The following LRRFIP1 variants were observed in gnomAD, a reference collection of about 807,000 sequenced individuals.
LRRFIP1 encodes the protein leucine-rich repeat flightless-interacting protein 1.
In LRRFIP1, 62 loss-of-function variants were observed where a neutral mutation model predicts 104.4. That is an observed-to-expected ratio of 0.59 (90% CI 0.48 to 0.73). LRRFIP1 has a LOEUF of 0.73. Among genes scored for constraint, LRRFIP1 ranks in the 30% least tolerant of loss-of-function variants. The pLI, the probability that LRRFIP1 is intolerant of heterozygous loss-of-function variation, is 0.00. For missense variants in LRRFIP1, 796 were observed against 824.5 expected, an observed-to-expected ratio of 0.97 and a Z score of 0.42; for synonymous variants, 300 against 299.0, an observed-to-expected ratio of 1.00 and a Z score of -0.03.
chr2:237,756,223 TC>T (rs1316572998), intron 16 of LRRFIP1, 36 bp downstream of exon 16: 1 of 1,533,984 alleles, frequency 6.5e-7, no homozygotes, highest in Admixed American at 1.7e-5. Flanking sequence ...TTTCCTTTTT[TC>T]CCTTTGGAGC....
intron 1 of LRRFIP1, among the ~76,000 whole-genome samples, chr2:237,667,632 A>G (rs143142644): frequency 0.044 from 6,703 of 152,292 alleles, 412 homozygotes; most frequent in African/African-American, 0.14. Flanking sequence ...GAATCCCCAC[A>G]CTGTCTTCCA....
intron 14 of LRRFIP1, 38 bp from the exon 15 acceptor site, chr2:237,753,271 T>C: frequency 6.6e-7 from 1 of 1,509,660 alleles, no homozygotes; most frequent in Admixed American, 2.5e-5. Context: ...TTTTGATTTT[T>C]TTATTGCAAT....
intron 19 of LRRFIP1, chr2:237,764,499 C>A: frequency 4.5e-6 from 5 of 1,116,130 alleles, no homozygotes; most frequent in Non-Finnish European, 5.5e-6. Flanking sequence ...ATATCAGCAT[C>A]TAATTGAAAT....
At chr2:237,664,427 T>A (rs537118703) in intron 1 of LRRFIP1, among the ~76,000 whole-genome samples, 1 of 152,224 alleles carries the variant, frequency 6.6e-6, no homozygotes, top group Non-Finnish European at 1.5e-5. Context: ...CTCGGCGGTG[T>A]GGCAGTGTGT....
intron 19 of LRRFIP1, chr2:237,763,064 T>C: frequency 6.2e-7 from 1 of 1,614,164 alleles, no homozygotes. Flanking sequence ...TGACACAGTT[T>C]ATCATGATGA....
chr2:237,627,656 C>T lies in LRRFIP1; in HGVS notation c.12C>T (p.Gly4=), dbSNP rs2081738089. 1 of 1,355,020 alleles carries T rather than the reference C, an allele frequency of 7.4e-7. No individual in the cohort carries two copies. Among genetic ancestry groups the T allele is most frequent in the Admixed American group, 2.6e-5 (1 of 38,230 alleles). The allele number at this position is 1,355,020 out of a possible 1,614,324, so 83.9% of individuals were successfully genotyped here. MDM[G]TQGSGRKRLP... ...GGGCGACGCGGTCGATGGACATGGG[C>T]ACCCAGGGATCGGGGCGCAAGCGGC... Residue 4 remains glycine (G), a synonymous_variant, in exon 1 of 24, where the codon GGC becomes GGT. Coordinates refer to ENST00000308482, the MANE Select transcript of LRRFIP1 (RefSeq NM_001137550.2).
At chr2:237,763,530 A>G (rs762290514) in intron 19 of LRRFIP1, 11 of 1,613,320 alleles carry the variant, frequency 6.8e-6, no homozygotes, top group Non-Finnish European at 8.5e-6. Context: ...AGTGAAATTA[A>G]GGAAGAAGAG....
Position 237,756,315 on chromosome 2 carries a change from A to C in LRRFIP1, c.1131+128A>C, listed in dbSNP as rs1035489806. Reference sequence around the variant, plus strand: ...CAGCATGGCTTAAACAACAGAAATTAATTTTCTTACAATTCTGGAGGCTGG... The same window carrying C: ...CAGCATGGCTTAAACAACAGAAATTCATTTTCTTACAATTCTGGAGGCTGG... On this transcript the variant is annotated intron_variant, in intron 16 of 23. Coordinates refer to ENST00000308482, the MANE Select transcript of LRRFIP1 (RefSeq NM_001137550.2). 3 of 663,962 alleles carry C rather than the reference A, an allele frequency of 4.5e-6. No individual in the cohort carries two copies. In the African/African-American group the frequency reaches 5.7e-5, roughly 13 times the overall value. 41.1% of individuals were successfully genotyped at this position (663,962 alleles called of 1,614,324 possible). A position where few individuals can be genotyped will look rare whatever the true frequency, so the allele number is the denominator to read the frequency against.
intron 19 of LRRFIP1, chr2:237,763,289 G>A: frequency 6.2e-7 from 1 of 1,614,142 alleles, no homozygotes; most frequent in Non-Finnish European, 8.5e-7. Context: ...AGCAGGAACT[G>A]AGGGCAACTG....
In LRRFIP1 at chr2:237,760,094, G is replaced by C. The variant is rs201556623; in HGVS notation, c.1348G>C (p.Ala450Pro). The change falls in exon 19 of 24, where the codon GCT becomes CCT. Residue 450 changes from alanine (A) to proline (P), a missense_variant. Transcript: ENST00000308482. ...KHGIILNSEI[A>P]TNGETSDTLN... Reference sequence around the variant, plus strand: ...TGGAATAATCCTAAATTCAGAAATAGCTACCAATGGAGAGACTTCCGACAC... The same window carrying C: ...TGGAATAATCCTAAATTCAGAAATACCTACCAATGGAGAGACTTCCGACAC... 19 of 1,613,762 alleles carry C rather than the reference G, an allele frequency of 1.2e-5. No individual in the cohort carries two copies. Among genetic ancestry groups the C allele is most frequent in the Non-Finnish European group, 1.5e-5 (18 of 1,179,724 alleles).
At chr2:237,716,341 A>G (rs185106734) in intron 3 of LRRFIP1, among the ~76,000 whole-genome samples, 3 of 152,216 alleles carry the variant, frequency 2.0e-5, no homozygotes, top group African/African-American at 7.2e-5. Context: ...ATTCCAAGGG[A>G]ATAACCTACA....
rs761699151 is a variant in LRRFIP1, at chr2:237,758,775, G to A, written c.1271G>A (p.Arg424Gln). Reference protein sequence around the residue: ...KEFFDSVRSERDDLREEVVML... With the variant: ...KEFFDSVRSEQDDLREEVVML... ...TTCTTTGATTCCGTAAGGAGTGAACGGGATGATCTTAGAGAAGAAGTAGTC... is the reference window on the plus strand; with the variant it reads ...TTCTTTGATTCCGTAAGGAGTGAACAGGATGATCTTAGAGAAGAAGTAGTC... Residue 424 changes from arginine (R) to glutamine (Q), a missense_variant, in exon 18 of 24, where the codon CGG (arginine) becomes CAG (glutamine). By Grantham distance (43) the Arg-to-Gln change is conservative. Coordinates refer to ENST00000308482, the MANE Select transcript of LRRFIP1 (RefSeq NM_001137550.2). The A allele has an allele frequency of 8.7e-6, 14 of 1,613,360 alleles. No homozygotes were observed. The highest frequency in any genetic ancestry group is 2.7e-5 in the African/African-American group (2 of 74,842).
rs776176079 is a variant in LRRFIP1 at position 237,739,277 on chromosome 2, T to C, written c.601T>C (p.Ser201Pro). ...GHLNSSSRAS[S>P]RASSARASPV... ...CCTCAACTCCAGCTCCCGCGCCTCCTCCAGGGCCAGCTCGGCCCGGGCCAG... is the reference window on the plus strand; with the variant it reads ...CCTCAACTCCAGCTCCCGCGCCTCCCCCAGGGCCAGCTCGGCCCGGGCCAG... The change falls in exon 11 of 24, where the codon TCC (serine) becomes CCC (proline). Residue 201 changes from serine (S) to proline (P), a missense_variant. Physicochemically the swap from Ser to Pro is moderately conservative, Grantham distance 74 (BLOSUM62 -1). Coordinates refer to ENST00000308482, the MANE Select transcript of LRRFIP1 (RefSeq NM_001137550.2). 1 of 1,564,720 alleles carries C rather than the reference T, an allele frequency of 6.4e-7. No homozygotes were observed. Among genetic ancestry groups the C allele is most frequent in the East Asian group, 2.4e-5 (1 of 42,076 alleles).
intron 1 of LRRFIP1, among the ~76,000 whole-genome samples, chr2:237,689,168 G>A (rs150649855): frequency 9.9e-5 from 15 of 152,096 alleles, no homozygotes; most frequent in African/African-American, 3.1e-4. Context: ...TGCATTTTTC[G>A]CTGTTAATTT....
At chr2:237,753,623 T>A (rs1488740641) in intron 15 of LRRFIP1, 144 bp downstream of exon 15, 1 of 598,662 alleles carries the variant, frequency 1.7e-6, no homozygotes, top group East Asian at 3.2e-5. Flanking sequence ...TGGCGAGACA[T>A]CATTTCTAAA....
intron 1 of LRRFIP1, among the ~76,000 whole-genome samples, chr2:237,634,953 A>G (rs2082881378): frequency 1.3e-5 from 2 of 152,228 alleles, no homozygotes; most frequent in South Asian, 2.1e-4. Context: ...CTCTAGATCC[A>G]GTCTGGTCTG....
intron 1 of LRRFIP1, among the ~76,000 whole-genome samples, chr2:237,706,438 A>G (rs1248118653): frequency 1.3e-5 from 2 of 151,874 alleles, no homozygotes; most frequent in South Asian, 2.1e-4. Context: ...TATGGCTGCT[A>G]TGAAACCTCG....
intron 1 of LRRFIP1, among the ~76,000 whole-genome samples, chr2:237,628,585 G>T (rs2081924544): frequency 6.6e-6 from 1 of 152,212 alleles, no homozygotes; most frequent in South Asian, 2.1e-4. Context: ...CTTAATTTTT[G>T]ACTGTGTTCC....
intron 1 of LRRFIP1, among the ~76,000 whole-genome samples, chr2:237,695,887 C>A (rs948942120): frequency 1.3e-5 from 2 of 152,022 alleles, no homozygotes; most frequent in African/African-American, 4.8e-5. Context: ...TGACTACATG[C>A]AAGATTTAAT....
Sources: allele counts gnomAD v4.1 joint callset (sites outside exome capture counted in the v4.1 genomes callset), GRCh38; gene constraint gnomAD v4.1.1; transcripts MANE v1.5; gene names NCBI Gene and HGNC (gene_info 2026-07-23, HGNC 2026-07-21).